BCAR3: variants seen among roughly 807,000 people sequenced by gnomAD.
BCAR3 encodes BCAR3 adaptor protein, NSP family member, also known as breast cancer anti-estrogen resistance protein 3.
A neutral mutation model predicts 80.1 loss-of-function variants in BCAR3; 37 were observed. That is an observed-to-expected ratio of 0.46 (90% CI 0.36 to 0.61). The LOEUF (loss-of-function observed/expected upper bound fraction) is 0.61, where lower values mean the gene tolerates loss of function less well. BCAR3 is among the 20% of genes least tolerant of loss of function. The pLI is 0.00. For synonymous variants in BCAR3, 389 were observed against 418.9 expected (o/e 0.93, Z 0.87); for missense variants, 978 against 1,068.2 (o/e 0.92, Z 1.18).
chr1:93,760,049 C>A (rs1243467100), intron 2 of BCAR3, among the ~76,000 whole-genome samples: 1 of 152,000 alleles, frequency 6.6e-6, no homozygotes, highest in Non-Finnish European at 1.5e-5. Context: ...CTTACGTAAA[C>A]TAGGTGTGAA....
chr1:93,775,522 G>T (rs1405577548), intron 2 of BCAR3: 1 of 152,186 alleles, frequency 6.6e-6, no homozygotes. Flanking sequence ...TGAGCTGAAA[G>T]GAAGGGCTTT....
intron 2 of BCAR3, among the ~76,000 whole-genome samples, chr1:93,647,178 T>C (rs763537359): frequency 1.3e-4 from 20 of 152,136 alleles, no homozygotes; most frequent in Non-Finnish European, 2.5e-4. Context: ...TTTAAAGAGG[T>C]ATTTTTGGTA....
At chr1:93,673,400 T>C (rs1046197391) in intron 2 of BCAR3, among the ~76,000 whole-genome samples, 3 of 152,238 alleles carry the variant, frequency 2.0e-5, no homozygotes, top group Non-Finnish European at 4.4e-5. Flanking sequence ...TAATCAGGAC[T>C]GAGCAGAATT....
In BCAR3 at chr1:93,749,889, A is replaced by ATT. The variant is rs368121693; in HGVS notation, c.-62-43749_-62-43748dup. 4.0e-4 allele frequency among the ~76,000 whole-genome samples: 53 copies of ATT among 133,498 alleles called. 1 individual carries two copies. The highest frequency in any genetic ancestry group is 1.9e-3 in the South Asian group (8 of 4,154). 87.6% of individuals were successfully genotyped at this position (133,498 alleles called of 152,430 possible). ...ATTTGCTTAAAGATGATCTTGACTT[A>ATT]TTTTTTTTTTTTTTTTGCTTCTCCT... On this transcript the variant is annotated intron_variant, in intron 2 of 13. Transcript: ENST00000370244.
chr1:93,720,484 G>A (rs1650355206), intron 2 of BCAR3, among the ~76,000 whole-genome samples: 1 of 152,070 alleles, frequency 6.6e-6, no homozygotes, highest in Non-Finnish European at 1.5e-5. Context: ...TTCAGTAGAG[G>A]GGCTTCTGCC....
At chr1:93,703,468 A>G (rs537099295) in intron 3 of BCAR3, among the ~76,000 whole-genome samples, 203 of 152,006 alleles carry the variant, frequency 1.3e-3, no homozygotes, top group Non-Finnish European at 2.1e-3. Flanking sequence ...TCGGGAGGCT[A>G]AGGCCAGCGG....
intron 2 of BCAR3, among the ~76,000 whole-genome samples, chr1:93,810,665 T>A (rs1048209108): frequency 2.6e-5 from 4 of 152,166 alleles, no homozygotes; most frequent in African/African-American, 9.7e-5. Flanking sequence ...CGAACTAAGG[T>A]GTCACCCGTG....
intron 2 of BCAR3, among the ~76,000 whole-genome samples, chr1:93,800,419 C>CA (rs1051345553): frequency 6.6e-6 from 1 of 151,866 alleles, no homozygotes; most frequent in Non-Finnish European, 1.5e-5. Flanking sequence ...ATTAAAAATA[C>CA]AAAAAAATTA....
chr1:93,675,626 G>A (rs1337873113), intron 1 of BCAR3, among the ~76,000 whole-genome samples: 1 of 152,138 alleles, frequency 6.6e-6, no homozygotes, highest in East Asian at 1.9e-4. Flanking sequence ...GCCACCAGCA[G>A]GGTTAGGTAA....
At chr1:93,617,149 A>G (rs1254240055) in intron 3 of BCAR3, among the ~76,000 whole-genome samples, 2 of 152,218 alleles carry the variant, frequency 1.3e-5, no homozygotes, top group African/African-American at 2.4e-5. Flanking sequence ...CATATTCAGC[A>G]GACACATGCT....
At chr1:93,684,754 C>T (rs983315235), upstream of BCAR3, among the ~76,000 whole-genome samples, 2 of 142,556 alleles carry the variant, frequency 1.4e-5, no homozygotes, top group African/African-American at 5.8e-5. Context: ...GTTTTTGAGA[C>T]AGTCTCGCTT....
rs182995692 is a variant in BCAR3 at position 93,712,416 on chromosome 1, G to A, written c.-62-6274C>T. 9.8e-5 allele frequency among the ~76,000 whole-genome samples: 15 copies of A among 152,320 alleles called. 1 individual carries two copies. The East Asian group carries it at 2.5e-3, about 26-fold the overall frequency. ...ATGGGATTGTGCCCCGCCTGGCACA[G>A]CTCCCCTAATCCAGAGGACGTTCAC... On this transcript the variant is annotated intron_variant, in intron 2 of 13. Transcript: ENST00000370244.
chr1:93,810,625 C>G (rs1322292469), intron 2 of BCAR3, among the ~76,000 whole-genome samples: 1 of 152,220 alleles, frequency 6.6e-6, no homozygotes, highest in Non-Finnish European at 1.5e-5. Flanking sequence ...CAATCCTACA[C>G]AAGTTCCAGG....
rs1249797946 is a variant in BCAR3, at chr1:93,674,637, C to T, written c.294G>A (p.Arg98=). 1.2e-6 allele frequency: 2 copies of T among 1,613,440 alleles called. No homozygotes were observed. Among genetic ancestry groups the T allele is most frequent in the Admixed American group, 3.3e-5 (2 of 59,866 alleles). ...ACCTGAAGGTGAAGGTTTCGCCGTG[C>T]CGGTCCTGCCATGGGCTCTCCTGGA... The part of the protein sequence containing the change: ...DGIQESPWQD[R]HGETFTFRDP... The change falls in exon 2 of 12, where the codon CGG becomes CGA. Residue 98 remains arginine, a synonymous_variant. Coordinates refer to ENST00000260502, the MANE Select transcript of BCAR3 (RefSeq NM_003567.4).
chr1:93,618,024 G>C (rs552987357), intron 3 of BCAR3, among the ~76,000 whole-genome samples: 1 of 152,364 alleles, frequency 6.6e-6, no homozygotes, highest in South Asian at 2.1e-4. Flanking sequence ...CCTGAGGGAG[G>C]AGAGCTGGGA....
At chr1:93,588,483 C>T (rs1674035990) in intron 5 of BCAR3, among the ~76,000 whole-genome samples, 1 of 152,172 alleles carries the variant, frequency 6.6e-6, no homozygotes. Context: ...GTCTGTACAG[C>T]TCCCTTAAAG....
chr1:93,699,205 AAT>A (rs1649544218), intron 3 of BCAR3, among the ~76,000 whole-genome samples: 1 of 152,166 alleles, frequency 6.6e-6, no homozygotes, highest in Non-Finnish European at 1.5e-5. Context: ...ATCCAATTTG[AAT>A]TCTCCCCTCT....
chr1:93,579,662 T>C (rs1673619935), intron 7 of BCAR3, among the ~76,000 whole-genome samples: 1 of 151,876 alleles, frequency 6.6e-6, no homozygotes, highest in East Asian at 2.0e-4. Flanking sequence ...GGCAGGCATC[T>C]CTCCTCCACC....
At chr1:93,696,797 C>T (rs1649425506) in intron 3 of BCAR3, among the ~76,000 whole-genome samples, 1 of 152,244 alleles carries the variant, frequency 6.6e-6, no homozygotes, top group African/African-American at 2.4e-5. Context: ...ACTCCCATCC[C>T]TTGCCCAGGC....
Sources: gnomAD v4.1 joint callset for allele counts (sites outside exome capture counted in the v4.1 genomes callset) on GRCh38, gnomAD v4.1.1 for gene constraint, MANE v1.5 for transcripts, NCBI Gene and HGNC (gene_info 2026-07-23, HGNC 2026-07-21) for gene names.